The following BCL2L14 variants were observed in gnomAD, a reference collection of about 807,000 sequenced individuals.
The protein encoded by BCL2L14 is BCL2 like 14, also known as apoptosis facilitator Bcl-2-like protein 14.
BCL2L14 carries 27 observed loss-of-function variants against 35.3 expected under a neutral mutation model. The ratio of observed to expected loss-of-function variants is 0.76; its 90% confidence interval spans 0.56 to 1.05. The LOEUF (loss-of-function observed/expected upper bound fraction) is 1.05, where lower values mean the gene tolerates loss of function less well. Ranked by LOEUF, BCL2L14 falls within the 50% of genes least tolerant of loss-of-function variation. BCL2L14 has a pLI of 0.00. For synonymous variants in BCL2L14, 139 were observed against 145.9 expected, an observed-to-expected ratio of 0.95 and a Z score of 0.34; for missense variants, 377 against 382.6, an observed-to-expected ratio of 0.99 and a Z score of 0.12.
intron 1 of BCL2L14, 72 bp from the exon 2 acceptor site, chr12:12,079,227 C>G (rs1027175339): frequency 7.7e-7 from 1 of 1,290,964 alleles, no homozygotes; most frequent in Non-Finnish European, 1.1e-6. Flanking sequence ...AGTTTTCACC[C>G]CTGTCTCTCC....
chr12:12,083,165 C>T (rs1037819593), intron 2 of BCL2L14, among the ~76,000 whole-genome samples: 5 of 152,126 alleles, frequency 3.3e-5, no homozygotes, highest in African/African-American at 7.2e-5. Context: ...AGGGTTTCAT[C>T]GTGTTAGCCA....
intron 1 of BCL2L14, chr12:12,051,730 AT>A (rs1460362232): frequency 6.6e-6 from 1 of 152,216 alleles, no homozygotes; most frequent in Non-Finnish European, 1.5e-5. Context: ...ATAGTCTAAT[AT>A]ATGCAAAGCA....
At chr12:12,084,513 A>G (rs2136759282) in intron 2 of BCL2L14, among the ~76,000 whole-genome samples, 1 of 152,166 alleles carries the variant, frequency 6.6e-6, no homozygotes, top group South Asian at 2.1e-4. Context: ...CCACAGGCGA[A>G]ATGGGACCTT....
chr12:12,071,166 CT>C (rs1408728523), intron 1 of BCL2L14, 29 bp downstream of exon 1: 1 of 152,202 alleles, frequency 6.6e-6, no homozygotes, highest in Non-Finnish European at 1.5e-5. Flanking sequence ...AGTCTTCATC[CT>C]CAGCCTTTGC....
At chr12:12,096,592 C>T (rs756435403) in intron 5 of BCL2L14, among the ~76,000 whole-genome samples, 51 of 152,286 alleles carry the variant, frequency 3.3e-4, no homozygotes, top group Non-Finnish European at 5.7e-4. Context: ...ATAGACATTT[C>T]TCCAAAGAAT....
At chr12:12,081,073 G>C (rs1056062457) in intron 2 of BCL2L14, among the ~76,000 whole-genome samples, 2 of 152,024 alleles carry the variant, frequency 1.3e-5, no homozygotes, top group African/African-American at 4.8e-5. Flanking sequence ...TGTGGTCCTG[G>C]CTACTCGGGA....
chr12:12,079,448 T>G lies in BCL2L14; in HGVS notation c.143T>G (p.Leu48Arg). The G allele has an allele frequency of 6.2e-7, 1 of 1,614,094 alleles. No homozygotes were observed. Among genetic ancestry groups the G allele is most frequent in the East Asian group, 2.2e-5 (1 of 44,894 alleles). The change falls in exon 2 of 6, where the codon CTG (leucine) becomes CGG (arginine). Residue 48 changes from leucine (L) to arginine (R), a missense_variant. Transcript: ENST00000308721. The stretch of plus-strand genomic sequence containing the variant: ...CCTGCTCTCTTCTCACCAAAGCTGC[T>G]GAGAACAAGAAGTTTGTCCCAGAGG... ...STPALFSPKL[L>R]RTRSLSQRGL... is the part of the protein sequence containing the mutation.
At chr12:12,067,946 T>A (rs1948612939), upstream of BCL2L14, among the ~76,000 whole-genome samples, 1 of 152,062 alleles carries the variant, frequency 6.6e-6, no homozygotes, top group Non-Finnish European at 1.5e-5. Flanking sequence ...AGGACTTTTT[T>A]TTTTTGAGAC....
At chr12:12,096,859 A>G (rs544264978) in intron 5 of BCL2L14, among the ~76,000 whole-genome samples, 1 of 152,228 alleles carries the variant, frequency 6.6e-6, no homozygotes, top group Non-Finnish European at 1.5e-5. Flanking sequence ...TACCAATTCC[A>G]GGGGCCGGGC....
Position 12,099,335 on chromosome 12 carries a change from C to G in BCL2L14, c.*347C>G, listed in dbSNP as rs886334331. On this transcript the variant is annotated 3_prime_UTR_variant, in exon 6 of 6. Coordinates refer to ENST00000308721, the MANE Select transcript of BCL2L14 (RefSeq NM_138723.2). ...AAGTGCGTTACAGATGTCTGCTGAC[C>G]TCACAAGAGTGAAAAGATAAACTGT... 51 of 260,512 alleles carry G rather than the reference C, an allele frequency of 2.0e-4. No homozygotes were observed. Among genetic ancestry groups the G allele is most frequent in the Non-Finnish European group, 3.7e-4 (51 of 138,646 alleles). The allele number at this position is 260,512 out of a possible 1,614,324, so 16.1% of individuals were successfully genotyped here.
chr12:12,063,399 C>T (rs1434780156), intron 2 of BCL2L14, among the ~76,000 whole-genome samples: 2 of 149,404 alleles, frequency 1.3e-5, no homozygotes, highest in Admixed American at 1.3e-4. Context: ...TTTCTTATTC[C>T]GTTTAGTTTT....
chr12:12,090,671 G>C, intron 3 of BCL2L14, 108 bp from the exon 4 acceptor site: 1 of 674,550 alleles, frequency 1.5e-6, no homozygotes, highest in Non-Finnish European at 2.4e-6. Context: ...GAATTAGCAT[G>C]CCTCTTCCTC....
chr12:12,053,267 T>C (rs1053181840), intron 2 of BCL2L14, among the ~76,000 whole-genome samples: 2 of 152,298 alleles, frequency 1.3e-5, no homozygotes, highest in Non-Finnish European at 2.9e-5. Context: ...CCCAAGTCCA[T>C]AGGGCTAATC....
At chr12:12,069,545 A>G (rs1449583044), upstream of BCL2L14, among the ~76,000 whole-genome samples, 1 of 132,644 alleles carries the variant, frequency 7.5e-6, no homozygotes, top group East Asian at 2.0e-4. Flanking sequence ...TAAAAATACA[A>G]AAAAAAAAAA....
intron 2 of BCL2L14, among the ~76,000 whole-genome samples, chr12:12,056,406 AAACCC>A (rs1393031872): frequency 2.0e-5 from 3 of 152,112 alleles, no homozygotes; most frequent in Non-Finnish European, 4.4e-5. Context: ...ATCACTCCCT[AAACCC>A]CTCATCTATA....
intron 1 of BCL2L14, among the ~76,000 whole-genome samples, chr12:12,076,236 G>C (rs2136740815): frequency 6.6e-6 from 1 of 151,356 alleles, no homozygotes; most frequent in Non-Finnish European, 1.5e-5. Flanking sequence ...GGTGGGATTG[G>C]ATGGAATTGG....
intron 2 of BCL2L14, among the ~76,000 whole-genome samples, chr12:12,058,730 C>T (rs530616708): frequency 2.8e-4 from 42 of 152,294 alleles, no homozygotes; most frequent in Admixed American, 1.4e-3. Context: ...AATAAACAGC[C>T]ATGTTGCTCA....
chr12:12,056,824 G>A (rs1380447618), intron 2 of BCL2L14, among the ~76,000 whole-genome samples: 8 of 152,102 alleles, frequency 5.3e-5, no homozygotes, highest in Non-Finnish European at 8.8e-5. Context: ...CGACAAGAGC[G>A]AAACTCCATC....
At chr12:12,067,759 G>A (rs547371169), upstream of BCL2L14, among the ~76,000 whole-genome samples, 61 of 152,296 alleles carry the variant, frequency 4.0e-4, no homozygotes, top group South Asian at 4.6e-3. Context: ...ACAATCGGGA[G>A]AAAAGTGGTT....
Sources: allele counts gnomAD v4.1 joint callset (sites outside exome capture counted in the v4.1 genomes callset), GRCh38; gene constraint gnomAD v4.1.1; transcripts MANE v1.5; gene names NCBI Gene and HGNC (gene_info 2026-07-23, HGNC 2026-07-21).